Variants in PABPC4L observed in about 807,000 individuals in gnomAD.
PABPC4L encodes the protein poly(A) binding protein cytoplasmic 4 like, also known as polyadenylate-binding protein 4-like.
For synonymous variants in PABPC4L, 169 were observed against 164.1 expected (o/e 1.03, Z -0.23); for missense variants, 452 against 451.4 (o/e 1.00, Z -0.01).
the PABPC4L span, among the ~76,000 whole-genome samples, chr4:134,070,914 C>T: frequency 2.6e-5 from 4 of 152,110 alleles, no homozygotes; most frequent in Admixed American, 6.6e-5. Flanking sequence ...TCTCCAGGTC[C>T]GACATTCTCC....
the PABPC4L span, among the ~76,000 whole-genome samples, chr4:134,059,386 C>CTA: frequency 0.17 from 23,893 of 142,314 alleles, 2,075 homozygotes; most frequent in Non-Finnish European, 0.2. Flanking sequence ...AGGAAACAAA[C>CTA]TATATATATA....
the PABPC4L span, among the ~76,000 whole-genome samples, chr4:134,142,144 A>C: frequency 6.6e-6 from 1 of 151,752 alleles, no homozygotes; most frequent in African/African-American, 2.4e-5. Flanking sequence ...CAATTGAACT[A>C]AGTAGTCCCA....
chr4:134,107,831 C>G, the PABPC4L span, among the ~76,000 whole-genome samples: 1 of 151,540 alleles, frequency 6.6e-6, no homozygotes, highest in East Asian at 1.9e-4. Context: ...TTTAAATATT[C>G]TTAACATTAA....
At chr4:134,063,746 A>G in the PABPC4L span, among the ~76,000 whole-genome samples, 6 of 152,162 alleles carry the variant, frequency 3.9e-5, no homozygotes, top group Non-Finnish European at 7.4e-5. Flanking sequence ...TTGTCATTCT[A>G]GGCAGTAAAT....
At chr4:134,031,869 G>A in the PABPC4L span, among the ~76,000 whole-genome samples, 3 of 151,838 alleles carry the variant, frequency 2.0e-5, no homozygotes, top group Non-Finnish European at 4.4e-5. Context: ...TATTAGAATT[G>A]CAGACAGAAT....
At position 134,201,043 on chromosome 4, in the gene PABPC4L, T is replaced by G. The variant is rs1179855389; in HGVS notation, c.-24A>C. On this transcript the variant is annotated 5_prime_UTR_variant, in exon 2 of 2. Transcript: ENST00000421491. ...ATCTCCTTGTCCTTGCCACTGTGAG[T>G]TTGTCCCCTGGAGTTCTTTGAGCAA... is the stretch of plus-strand genomic sequence containing the variant. 6.4e-7 allele frequency: 1 copy of G among 1,551,420 alleles called. No homozygotes were observed. Among genetic ancestry groups the G allele is most frequent in the African/African-American group, 1.4e-5 (1 of 72,968 alleles).
the PABPC4L span, among the ~76,000 whole-genome samples, chr4:134,177,731 C>T: frequency 3.3e-5 from 5 of 152,246 alleles, no homozygotes; most frequent in East Asian, 9.7e-4. Context: ...GAGCACATGA[C>T]ACCACCTGGC....
At chr4:134,132,858 GAT>G in the PABPC4L span, among the ~76,000 whole-genome samples, 4 of 144,986 alleles carry the variant, frequency 2.8e-5, no homozygotes, top group Non-Finnish European at 6.0e-5. Context: ...ATATATATGA[GAT>G]ATATATATTA....
At chr4:133,975,295 G>A in the PABPC4L span, among the ~76,000 whole-genome samples, 26 of 152,188 alleles carry the variant, frequency 1.7e-4, 1 homozygote, top group African/African-American at 6.3e-4. Flanking sequence ...GCAAATCCAT[G>A]GAGAAGAAAA....
chr4:133,988,449 G>A, the PABPC4L span, among the ~76,000 whole-genome samples: 16,414 of 152,140 alleles, frequency 0.11, 982 homozygotes, highest in Admixed American at 0.2. Context: ...GGGGCTACAG[G>A]CCCCATACAA....
chr4:134,097,550 C>A, the PABPC4L span, among the ~76,000 whole-genome samples: 1 of 151,760 alleles, frequency 6.6e-6, no homozygotes, highest in Non-Finnish European at 1.5e-5. Flanking sequence ...AGTTCTGGAA[C>A]CAGTACCCCT....
the PABPC4L span, among the ~76,000 whole-genome samples, chr4:133,957,715 G>T: frequency 6.6e-6 from 1 of 152,190 alleles, no homozygotes; most frequent in African/African-American, 2.4e-5. Flanking sequence ...TACATTCTCT[G>T]AAGTATAGGT....
chr4:134,031,667 G>T, the PABPC4L span, among the ~76,000 whole-genome samples: 1 of 151,956 alleles, frequency 6.6e-6, no homozygotes, highest in African/African-American at 2.4e-5. Context: ...TAGTCACTTT[G>T]CAACTCATAG....
the PABPC4L span, among the ~76,000 whole-genome samples, chr4:134,000,883 C>T: frequency 1.3e-5 from 2 of 152,120 alleles, no homozygotes; most frequent in African/African-American, 2.4e-5. Flanking sequence ...CTTCACCCTA[C>T]ACCACCGGTT....
chr4:134,157,204 T>A, the PABPC4L span, among the ~76,000 whole-genome samples: 1 of 151,684 alleles, frequency 6.6e-6, no homozygotes, highest in Admixed American at 6.6e-5. Context: ...TGTGGAAGAA[T>A]TTTTTGTTTT....
At chr4:134,055,735 AAC>A in the PABPC4L span, among the ~76,000 whole-genome samples, 1 of 151,450 alleles carries the variant, frequency 6.6e-6, no homozygotes, top group Non-Finnish European at 1.5e-5. Flanking sequence ...CTTTGTCATA[AAC>A]ATTGTTTATA....
At chr4:133,992,147 G>T in the PABPC4L span, among the ~76,000 whole-genome samples, 1 of 152,282 alleles carries the variant, frequency 6.6e-6, no homozygotes, top group East Asian at 1.9e-4. Context: ...ATGGGATGTG[G>T]CTATGAAATT....
chr4:134,013,914 G>A, the PABPC4L span, among the ~76,000 whole-genome samples: 79 of 152,096 alleles, frequency 5.2e-4, no homozygotes, highest in African/African-American at 1.9e-3. Context: ...CTCACACCCA[G>A]TCAGGCTTAC....
chr4:134,042,018 CTCA>C, the PABPC4L span, among the ~76,000 whole-genome samples: 4 of 152,162 alleles, frequency 2.6e-5, no homozygotes, highest in African/African-American at 9.7e-5. Flanking sequence ...AACCCAACTG[CTCA>C]TCAACAAATG....
Sources: gnomAD v4.1 joint callset for allele counts (sites outside exome capture counted in the v4.1 genomes callset) on GRCh38, gnomAD v4.1.1 for gene constraint, MANE v1.5 for transcripts, NCBI Gene and HGNC (gene_info 2026-07-23, HGNC 2026-07-21) for gene names.